The following GALNT17 variants were observed in gnomAD, a reference collection of about 807,000 sequenced individuals.
The protein encoded by GALNT17 is polypeptide N-acetylgalactosaminyltransferase 17, also known as UDP-GalNAc:polypeptide N-acetylgalactosaminyltransferase-like 3.
Under a neutral mutation model 63.7 loss-of-function variants are expected in GALNT17, and 29 were observed. That is an observed-to-expected ratio of 0.46 (90% CI 0.34 to 0.62). The LOEUF (loss-of-function observed/expected upper bound fraction) is 0.62, where lower values mean the gene tolerates loss of function less well. GALNT17 is among the 20% of genes least tolerant of loss of function. The probability of loss-of-function intolerance (pLI) is 0.01; values close to 1 mark genes in which losing one functional copy is unlikely to be tolerated. For missense variants in GALNT17, 603 were observed against 799.6 expected, an observed-to-expected ratio of 0.75 and a Z score of 2.97; for synonymous variants, 305 against 318.3, an observed-to-expected ratio of 0.96 and a Z score of 0.45.
At chr7:71,419,062 C>T (rs73363739) in intron 4 of GALNT17, among the ~76,000 whole-genome samples, 6,928 of 152,062 alleles carry the variant, frequency 0.046, 564 homozygotes, top group African/African-American at 0.16. Flanking sequence ...GCCTGAGAGA[C>T]GAGTGAAACT....
intron 6 of GALNT17, among the ~76,000 whole-genome samples, chr7:71,583,406 C>G (rs981079907): frequency 6.6e-6 from 1 of 152,188 alleles, no homozygotes; most frequent in Non-Finnish European, 1.5e-5. Flanking sequence ...CTGTTTGCCT[C>G]TATGTCACCT....
At chr7:71,359,425 A>G (rs1050276829) in intron 2 of GALNT17, among the ~76,000 whole-genome samples, 20 of 152,074 alleles carry the variant, frequency 1.3e-4, no homozygotes, top group Non-Finnish European at 2.6e-4. Context: ...GAACTCACAG[A>G]GTAGAGAACC....
chr7:71,273,642 A>G (rs1184160530), intron 1 of GALNT17, among the ~76,000 whole-genome samples: 2 of 152,224 alleles, frequency 1.3e-5, no homozygotes, highest in Non-Finnish European at 2.9e-5. Flanking sequence ...CAGAGTTTGT[A>G]TGAAACAATG....
intron 1 of GALNT17, among the ~76,000 whole-genome samples, chr7:71,185,012 C>T (rs1372485593): frequency 7.7e-6 from 1 of 129,520 alleles, no homozygotes; most frequent in African/African-American, 3.6e-5. Context: ...CCTTCCCTCC[C>T]TCCCTCCTTC....
chr7:71,523,862 G>A (rs1018174275), intron 5 of GALNT17, among the ~76,000 whole-genome samples: 2 of 151,870 alleles, frequency 1.3e-5, no homozygotes, highest in African/African-American at 4.8e-5. Flanking sequence ...GCTCATGCCT[G>A]TAATCCCAGC....
At chr7:71,469,390 A>C (rs1787591468) in intron 5 of GALNT17, among the ~76,000 whole-genome samples, 1 of 152,346 alleles carries the variant, frequency 6.6e-6, no homozygotes, top group Non-Finnish European at 1.5e-5. Flanking sequence ...AACCTTCGAC[A>C]CATTAAATTA....
intron 1 of GALNT17, among the ~76,000 whole-genome samples, chr7:71,289,043 T>G (rs1243522144): frequency 1.3e-5 from 2 of 152,172 alleles, no homozygotes; most frequent in African/African-American, 4.8e-5. Context: ...TTTTTAAATT[T>G]GACCCTTCAG....
At chr7:71,295,723 C>A (rs537022626) in intron 1 of GALNT17, among the ~76,000 whole-genome samples, 1 of 151,938 alleles carries the variant, frequency 6.6e-6, no homozygotes, top group Non-Finnish European at 1.5e-5. Flanking sequence ...CTCAGCCTCC[C>A]GAGTAGCTGG....
intron 5 of GALNT17, among the ~76,000 whole-genome samples, chr7:71,560,355 C>T (rs995006786): frequency 3.3e-5 from 5 of 152,046 alleles, no homozygotes; most frequent in Non-Finnish European, 5.9e-5. Context: ...CGTGGCTTAC[C>T]GTTATCCCCG....
At chr7:71,576,980 G>T (rs1156863446) in intron 6 of GALNT17, among the ~76,000 whole-genome samples, 3 of 152,200 alleles carry the variant, frequency 2.0e-5, no homozygotes, top group Non-Finnish European at 4.4e-5. Flanking sequence ...GTCAACAGTG[G>T]ATGGGATAAA....
chr7:71,216,044 A>T (rs1789470982), intron 1 of GALNT17, among the ~76,000 whole-genome samples: 1 of 136,362 alleles, frequency 7.3e-6, no homozygotes, highest in Admixed American at 7.3e-5. Context: ...CCTTGTCTCC[A>T]TAAATAATAA....
At chr7:71,681,530 G>T (rs1034278807) in intron 9 of GALNT17, among the ~76,000 whole-genome samples, 1 of 152,116 alleles carries the variant, frequency 6.6e-6, no homozygotes, top group South Asian at 2.1e-4. Context: ...ACCTTCCTAG[G>T]ATACCCACAG....
rs901700359 is a variant in GALNT17, at chr7:71,665,391, T to C, written c.1081-20T>C. 3.6e-5 allele frequency: 57 copies of C among 1,583,504 alleles called. No individual in the cohort carries two copies. Among genetic ancestry groups the C allele is most frequent in the Non-Finnish European group, 4.6e-5 (54 of 1,168,560 alleles). On this transcript the variant is annotated intron_variant, in intron 6 of 10. Transcript: ENST00000333538. ...TCTGGGAATTTCTTTTTCAGGCTGA[T>C]GAAATCTTTGTACCCCTAGGTATGG...
At chr7:71,428,828 T>C (rs1228028459) in intron 5 of GALNT17, among the ~76,000 whole-genome samples, 2 of 152,130 alleles carry the variant, frequency 1.3e-5, no homozygotes, top group Non-Finnish European at 2.9e-5. Context: ...CCCTCTTGGG[T>C]GGAAAGACGG....
chr7:71,216,587 CACAT>C (rs1220079239), intron 1 of GALNT17, among the ~76,000 whole-genome samples: 25 of 127,004 alleles, frequency 2.0e-4, no homozygotes, highest in South Asian at 6.5e-4. Flanking sequence ...CAAATACACA[CACAT>C]ACATATCTAC....
intron 1 of GALNT17, among the ~76,000 whole-genome samples, chr7:71,175,620 G>A (rs982266514): frequency 2.0e-5 from 3 of 152,168 alleles, no homozygotes; most frequent in South Asian, 2.1e-4. Flanking sequence ...GATGAGAGGC[G>A]GTGGTGGCCT....
intron 5 of GALNT17, among the ~76,000 whole-genome samples, chr7:71,527,058 A>G (rs1268216816): frequency 6.6e-6 from 1 of 152,218 alleles, no homozygotes; most frequent in East Asian, 1.9e-4. Context: ...TTAAGTTAGA[A>G]TCTTGTCCTC....
At chr7:71,337,760 C>T (rs904097763) in intron 2 of GALNT17, among the ~76,000 whole-genome samples, 30 of 151,678 alleles carry the variant, frequency 2.0e-4, no homozygotes, top group African/African-American at 7.3e-4. Context: ...CCCAGCTACT[C>T]GGGAGGCTGA....
At chr7:71,440,565 G>A (rs1787047383) in intron 5 of GALNT17, among the ~76,000 whole-genome samples, 1 of 151,812 alleles carries the variant, frequency 6.6e-6, no homozygotes, top group Admixed American at 6.6e-5. Context: ...GTAGAGATGG[G>A]GTTTCACCAT....
Sources: gnomAD v4.1 joint callset for allele counts (sites outside exome capture counted in the v4.1 genomes callset) on GRCh38, gnomAD v4.1.1 for gene constraint, MANE v1.5 for transcripts, NCBI Gene and HGNC (gene_info 2026-07-23, HGNC 2026-07-21) for gene names.